Variants in DIAPH2 observed in about 807,000 individuals in gnomAD.
The protein encoded by DIAPH2 is diaphanous related formin 2.
In DIAPH2, 35 loss-of-function variants were observed where a neutral mutation model predicts 92.7. The ratio of observed to expected loss-of-function variants is 0.38; its 90% CI spans 0.29 to 0.50. DIAPH2 has a LOEUF of 0.50. DIAPH2 is among the 20% of genes least tolerant of loss of function. DIAPH2 has a pLI of 0.94. For missense variants in DIAPH2, 701 were observed against 819.5 expected, an observed-to-expected ratio of 0.86 and a Z score of 1.77; for synonymous variants, 301 against 280.4, an observed-to-expected ratio of 1.07 and a Z score of -0.73.
intron 4 of DIAPH2, among the ~76,000 whole-genome samples, chrX:96,796,664 G>C (rs1311686051): frequency 5.4e-5 from 6 of 111,280 alleles, no homozygotes; most frequent in Non-Finnish European, 1.1e-4. Flanking sequence ...TGACAGTCTA[G>C]CTTTATATAG....
At chrX:96,863,522 C>A (rs2065085079) in intron 4 of DIAPH2, among the ~76,000 whole-genome samples, 1 of 110,003 alleles carries the variant, frequency 9.1e-6, no homozygotes, top group African/African-American at 3.3e-5. Context: ...ATCTAAAATC[C>A]TCTTACTTAG....
At chrX:97,555,297 C>T (rs2071249796) in intron 26 of DIAPH2, 1 of 152,750 alleles carries the variant, frequency 6.5e-6, no homozygotes, top group East Asian at 2.6e-4. Flanking sequence ...CTTTAGTGCC[C>T]ACAAGGAAAT....
At chrX:97,536,980 A>G (rs1602655319) in intron 26 of DIAPH2, among the ~76,000 whole-genome samples, 1 of 111,970 alleles carries the variant, frequency 8.9e-6, no homozygotes, top group Non-Finnish European at 1.9e-5. Flanking sequence ...GCAAACATAT[A>G]TATTCACATA....
intron 17 of DIAPH2, among the ~76,000 whole-genome samples, chrX:97,068,100 TA>T (rs1022863789): frequency 1.8e-5 from 2 of 111,986 alleles, no homozygotes; most frequent in Admixed American, 9.5e-5. Context: ...TTGTGAGACT[TA>T]AAAAATTTTT....
intron 25 of DIAPH2, among the ~76,000 whole-genome samples, chrX:97,412,662 C>G (rs2069889458): frequency 9.0e-6 from 1 of 111,053 alleles, no homozygotes; most frequent in African/African-American, 3.3e-5. Flanking sequence ...ACTAGCAAGA[C>G]TAATAAAGAA....
chrX:96,811,766 G>A (rs990885837), intron 4 of DIAPH2, among the ~76,000 whole-genome samples: 1 of 111,725 alleles, frequency 9.0e-6, no homozygotes, highest in African/African-American at 3.3e-5. Context: ...TTTTCTGCAT[G>A]TATTGAGATA....
chrX:97,144,160 G>C (rs1223689816), intron 22 of DIAPH2, among the ~76,000 whole-genome samples: 5 of 110,876 alleles, frequency 4.5e-5, no homozygotes, highest in Non-Finnish European at 9.5e-5. Context: ...GACCAGCCTG[G>C]GCAGCATAGT....
At chrX:97,320,099 C>CAAAA (rs763311457) in intron 23 of DIAPH2, among the ~76,000 whole-genome samples, 1 of 82,376 alleles carries the variant, frequency 1.2e-5, no homozygotes, top group African/African-American at 4.5e-5. Flanking sequence ...GACTCTGTCT[C>CAAAA]AAAAAAAAAA....
chrX:97,410,213 C>A (rs1426428404), intron 25 of DIAPH2, among the ~76,000 whole-genome samples: 1 of 112,064 alleles, frequency 8.9e-6, no homozygotes, highest in Non-Finnish European at 1.9e-5. Flanking sequence ...GCAGTGTTTG[C>A]TGTTCTGCAA....
At chrX:97,327,388 C>G (rs564730875) in intron 23 of DIAPH2, among the ~76,000 whole-genome samples, 1 of 109,373 alleles carries the variant, frequency 9.1e-6, no homozygotes, top group Non-Finnish European at 1.9e-5. Flanking sequence ...CATGAGCTAC[C>G]GCGCCCGGCC....
intron 17 of DIAPH2, among the ~76,000 whole-genome samples, chrX:97,050,304 G>A (rs2066511063): frequency 9.1e-6 from 1 of 109,920 alleles, no homozygotes; most frequent in African/African-American, 3.3e-5. Flanking sequence ...ATTTGAACTG[G>A]GTAGTTTTTT....
In DIAPH2 at chrX:97,312,345, C is replaced by CATTTTTTTTTTTTTTTT. The variant is rs202046146; in HGVS notation, c.2845-35771_2845-35770insATTTTTTTTTTTTTTTT. ...TTGATCACTTTTGATCAATAGAATC[C>CATTTTTTTTTTTTTTTT]TTTTTTTTTTTTTTTTTTTTTTTTT... is the stretch of plus-strand genomic sequence containing the variant. On this transcript the variant is annotated intron_variant, in intron 23 of 26. Coordinates refer to ENST00000324765, the MANE Select transcript of DIAPH2 (RefSeq NM_006729.5). 7.3e-5 allele frequency among the ~76,000 whole-genome samples: 4 copies of CATTTTTTTTTTTTTTTT among 54,945 alleles called. 1 individual carries two copies. The highest frequency in any genetic ancestry group is 9.2e-5 in the Non-Finnish European group (3 of 32,558). 47.7% of individuals were successfully genotyped at this position (54,945 alleles called of 115,157 possible).
chrX:97,165,500 T>C (rs1017220714), intron 22 of DIAPH2, among the ~76,000 whole-genome samples: 1 of 111,161 alleles, frequency 9.0e-6, no homozygotes, highest in African/African-American at 3.3e-5. Flanking sequence ...GTTTGTTTGT[T>C]TGTTTGTTTT....
chrX:97,050,028 G>C (rs746267939), intron 17 of DIAPH2, among the ~76,000 whole-genome samples: 46 of 111,117 alleles, frequency 4.1e-4, no homozygotes, highest in African/African-American at 1.4e-3. Context: ...TACTCATTAG[G>C]TTGCTAAGGC....
chrX:97,033,777 T>G (rs1163249922), intron 17 of DIAPH2, among the ~76,000 whole-genome samples: 3 of 111,603 alleles, frequency 2.7e-5, no homozygotes, highest in African/African-American at 9.7e-5. Flanking sequence ...ACTATATATG[T>G]TCCATCTATG....
chrX:97,339,901 C>A (rs1237832145), intron 23 of DIAPH2, among the ~76,000 whole-genome samples: 3 of 111,984 alleles, frequency 2.7e-5, no homozygotes, highest in African/African-American at 9.7e-5. Flanking sequence ...CACTTCACTG[C>A]CATAAGGTTA....
intron 26 of DIAPH2, among the ~76,000 whole-genome samples, chrX:97,491,911 G>A (rs1187981768): frequency 9.0e-6 from 1 of 111,197 alleles, no homozygotes; most frequent in Non-Finnish European, 1.9e-5. Context: ...CATGAAGCTT[G>A]CATAGATTGT....
intron 22 of DIAPH2, among the ~76,000 whole-genome samples, chrX:97,165,843 C>CAGTTAA (rs2067408390): frequency 9.0e-6 from 1 of 111,059 alleles, no homozygotes; most frequent in Admixed American, 9.6e-5. Context: ...GCAAAAGGCA[C>CAGTTAA]AAGGTATTCT....
intron 26 of DIAPH2, among the ~76,000 whole-genome samples, chrX:97,579,893 A>G (rs1385441401): frequency 9.2e-6 from 1 of 108,842 alleles, no homozygotes; most frequent in Admixed American, 9.8e-5. Context: ...CATCCCTTGT[A>G]AGTTGGATTC....
Sources: allele counts gnomAD v4.1 joint callset (sites outside exome capture counted in the v4.1 genomes callset), GRCh38; gene constraint gnomAD v4.1.1; transcripts MANE v1.5; gene names NCBI Gene and HGNC (gene_info 2026-07-23, HGNC 2026-07-21).